DNAJC1: variants seen among roughly 807,000 people sequenced by gnomAD.
DNAJC1 encodes the protein dnaJ homolog subfamily C member 1.
In DNAJC1, 58 loss-of-function variants were observed where a neutral mutation model predicts 76.6. The observed-to-expected ratio is 0.76, with a 90% CI of 0.61 to 0.94. The LOEUF (loss-of-function observed/expected upper bound fraction) is 0.94. DNAJC1 is among the 40% of genes least tolerant of loss of function. The pLI is 0.00. For missense variants in DNAJC1, 689 were observed against 677.3 expected, an observed-to-expected ratio of 1.02 and a Z score of -0.19; for synonymous variants, 258 against 267.9, an observed-to-expected ratio of 0.96 and a Z score of 0.36.
At chr10:21,910,092 T>C (rs748068228) in intron 6 of DNAJC1, among the ~76,000 whole-genome samples, 22 of 151,986 alleles carry the variant, frequency 1.4e-4, no homozygotes, top group Non-Finnish European at 1.8e-4. Flanking sequence ...AGCTGTGAGA[T>C]AGGGAATATC....
intron 8 of DNAJC1, among the ~76,000 whole-genome samples, chr10:21,854,183 A>G (rs1053369763): frequency 6.6e-6 from 1 of 152,112 alleles, no homozygotes; most frequent in Non-Finnish European, 1.5e-5. Context: ...CCAGGTAATT[A>G]TAATATAAGA....
At chr10:21,793,308 T>C (rs1290041245) in intron 9 of DNAJC1, among the ~76,000 whole-genome samples, 3 of 152,040 alleles carry the variant, frequency 2.0e-5, no homozygotes, top group Non-Finnish European at 1.5e-5. Flanking sequence ...ATCTCAGGGG[T>C]TGGGGGGCCG....
chr10:21,836,300 C>T (rs1484676534), intron 8 of DNAJC1, among the ~76,000 whole-genome samples: 2 of 152,144 alleles, frequency 1.3e-5, no homozygotes, highest in African/African-American at 4.8e-5. Flanking sequence ...ACCACCAGGC[C>T]TGCCCTAAAA....
chr10:21,835,888 T>G (rs898031205), intron 8 of DNAJC1, among the ~76,000 whole-genome samples: 1 of 152,194 alleles, frequency 6.6e-6, no homozygotes, highest in Non-Finnish European at 1.5e-5. Flanking sequence ...TGGAACCAAG[T>G]TGGAAAACAC....
intron 9 of DNAJC1, among the ~76,000 whole-genome samples, chr10:21,781,718 C>CAAAAA (rs1298897674): frequency 1.3e-4 from 11 of 87,262 alleles, no homozygotes; most frequent in African/African-American, 4.2e-4. Context: ...GCGACTGTCT[C>CAAAAA]AAAAAAAAAA....
intron 7 of DNAJC1, among the ~76,000 whole-genome samples, chr10:21,899,690 G>C (rs1471471562): frequency 6.6e-6 from 1 of 152,202 alleles, no homozygotes; most frequent in Non-Finnish European, 1.5e-5. Context: ...ACAGAGCTCT[G>C]ATCTGTTGAG....
intron 9 of DNAJC1, 138 bp downstream of exon 9, chr10:21,805,842 A>G: frequency 2.8e-6 from 3 of 1,068,940 alleles, no homozygotes; most frequent in Non-Finnish European, 4.1e-6. Flanking sequence ...TATTGCATTA[A>G]TGGTTCACTT....
At chr10:21,886,761 T>C (rs1836371225) in intron 7 of DNAJC1, among the ~76,000 whole-genome samples, 4 of 151,974 alleles carry the variant, frequency 2.6e-5, no homozygotes, top group African/African-American at 9.7e-5. Flanking sequence ...AAGCTTTCAA[T>C]AAAATTCAAC....
intron 8 of DNAJC1, among the ~76,000 whole-genome samples, chr10:21,842,484 G>A (rs1835590151): frequency 6.6e-6 from 1 of 152,204 alleles, no homozygotes; most frequent in Admixed American, 6.5e-5. Flanking sequence ...GGTATTGTCA[G>A]AATAAGTTAC....
intron 8 of DNAJC1, among the ~76,000 whole-genome samples, chr10:21,863,045 TCGCTTGAA>T (rs1482626556): frequency 1.3e-5 from 2 of 151,948 alleles, no homozygotes; most frequent in African/African-American, 4.8e-5. Flanking sequence ...CGCAGGAGAA[TCGCTTGAA>T]CCCGGGAGGC....
chr10:21,869,944 TA>T lies in DNAJC1; in HGVS notation c.978+12337del, dbSNP rs928160307. On this transcript the variant is annotated intron_variant, in intron 8 of 11. Coordinates refer to ENST00000376980, the MANE Select transcript of DNAJC1 (RefSeq NM_022365.4). ...TATTTATTTTAAAATAAAAACTTGA[TA>T]AAAAAATTCGTATTTTATAAGTCAA... Among the ~76,000 whole-genome samples the T allele has an allele frequency of 9.2e-5, 14 of 152,114 alleles. No homozygotes were observed. In the East Asian group the frequency reaches 2.5e-3, roughly 27 times the overall value.
chr10:21,904,879 C>G (rs937743917), intron 6 of DNAJC1, among the ~76,000 whole-genome samples: 1 of 151,942 alleles, frequency 6.6e-6, no homozygotes, highest in African/African-American at 2.4e-5. Flanking sequence ...CTGTTTTCTT[C>G]CATTGTATGC....
At chr10:21,974,867 G>A (rs1049813610) in intron 1 of DNAJC1, among the ~76,000 whole-genome samples, 2 of 152,018 alleles carry the variant, frequency 1.3e-5, no homozygotes, top group Non-Finnish European at 2.9e-5. Context: ...TCTATGTAAT[G>A]TAATATGTAT....
At chr10:21,900,948 G>C (rs967691951) in intron 7 of DNAJC1, among the ~76,000 whole-genome samples, 1 of 152,048 alleles carries the variant, frequency 6.6e-6, no homozygotes, top group African/African-American at 2.4e-5. Context: ...GAGTTTTCTA[G>C]AAAATCACTC....
intron 8 of DNAJC1, among the ~76,000 whole-genome samples, chr10:21,828,034 T>A (rs996592755): frequency 6.6e-6 from 1 of 152,232 alleles, no homozygotes; most frequent in Non-Finnish European, 1.5e-5. Flanking sequence ...AAAGGAATTT[T>A]ATTAATTTAC....
intron 8 of DNAJC1, among the ~76,000 whole-genome samples, chr10:21,872,988 G>C (rs1836127640): frequency 6.6e-6 from 1 of 152,022 alleles, no homozygotes; most frequent in Non-Finnish European, 1.5e-5. Flanking sequence ...AACGACCCCT[G>C]ACCTAACCGG....
intron 7 of DNAJC1, among the ~76,000 whole-genome samples, chr10:21,890,969 T>C (rs1836451247): frequency 6.6e-6 from 1 of 152,118 alleles, no homozygotes; most frequent in Non-Finnish European, 1.5e-5. Flanking sequence ...GGTGGGCAGA[T>C]CACCTGAGGT....
chr10:21,803,026 T>C (rs1332356581), intron 9 of DNAJC1, among the ~76,000 whole-genome samples: 1 of 152,126 alleles, frequency 6.6e-6, no homozygotes, highest in Non-Finnish European at 1.5e-5. Flanking sequence ...TTTAAAAAGC[T>C]TAAAAAAATA....
intron 9 of DNAJC1, among the ~76,000 whole-genome samples, chr10:21,804,294 C>T (rs1030798754): frequency 1.3e-5 from 2 of 151,984 alleles, no homozygotes; most frequent in African/African-American, 4.8e-5. Context: ...GTGGTGCAGT[C>T]TTCAAAGGAG....
Sources: allele counts gnomAD v4.1 joint callset (sites outside exome capture counted in the v4.1 genomes callset), GRCh38; gene constraint gnomAD v4.1.1; transcripts MANE v1.5; gene names NCBI Gene and HGNC (gene_info 2026-07-23, HGNC 2026-07-21).